Variants in IGSF11 observed in about 807,000 individuals in gnomAD.
IGSF11 encodes the protein immunoglobulin superfamily member 11, also known as CXADR like 1.
In IGSF11, 22 loss-of-function variants were observed where a neutral mutation model predicts 41.0. The ratio of observed to expected loss-of-function variants is 0.54; its 90% CI spans 0.38 to 0.77. IGSF11 has a LOEUF of 0.77. Ranked by LOEUF, IGSF11 falls within the 30% of genes least tolerant of loss-of-function variation. The pLI is 0.00. For missense variants in IGSF11, 444 were observed against 530.8 expected, an observed-to-expected ratio of 0.84 and a Z score of 1.61; for synonymous variants, 219 against 201.3, an observed-to-expected ratio of 1.09 and a Z score of -0.74.
At chr3:119,123,462 G>A (rs1010473314) in intron 1 of IGSF11, among the ~76,000 whole-genome samples, 2 of 152,216 alleles carry the variant, frequency 1.3e-5, no homozygotes, top group Non-Finnish European at 2.9e-5. Context: ...GACTAGCTTT[G>A]CCGCTTGCCA....
chr3:119,110,604 T>G (rs902797115), intron 1 of IGSF11, among the ~76,000 whole-genome samples: 11 of 152,368 alleles, frequency 7.2e-5, no homozygotes, highest in East Asian at 1.9e-4. Flanking sequence ...AAAGTTAATA[T>G]TGTTATGTGT....
chr3:118,970,182 T>G (rs1332888196), intron 1 of IGSF11, among the ~76,000 whole-genome samples: 1 of 152,224 alleles, frequency 6.6e-6, no homozygotes, highest in Non-Finnish European at 1.5e-5. Context: ...GCTCCCTTCA[T>G]GCCTAGAATT....
At chr3:119,024,389 A>G (rs987082584) in intron 1 of IGSF11, among the ~76,000 whole-genome samples, 4 of 152,212 alleles carry the variant, frequency 2.6e-5, no homozygotes, top group Non-Finnish European at 5.9e-5. Flanking sequence ...GAAAAATTTA[A>G]TGACCTGAAA....
chr3:119,028,142 A>G (rs1940002622), intron 1 of IGSF11, among the ~76,000 whole-genome samples: 1 of 152,200 alleles, frequency 6.6e-6, no homozygotes, highest in Admixed American at 6.5e-5. Flanking sequence ...TGGAGGATTT[A>G]TGATTAGTAA....
At chr3:118,919,166 A>T (rs991709474) in intron 4 of IGSF11, among the ~76,000 whole-genome samples, 3 of 136,336 alleles carry the variant, frequency 2.2e-5, no homozygotes, top group Non-Finnish European at 3.1e-5. Context: ...CTAGAAGAAA[A>T]CCTAGGCATT....
intron 1 of IGSF11, among the ~76,000 whole-genome samples, chr3:119,097,696 G>T (rs995843476): frequency 1.3e-5 from 2 of 152,108 alleles, no homozygotes; most frequent in Non-Finnish European, 2.9e-5. Context: ...GGTGGAAAAG[G>T]AGAGTACCTT....
chr3:118,944,494 ACACAC>A (rs1407883939), intron 1 of IGSF11, among the ~76,000 whole-genome samples: 36 of 150,820 alleles, frequency 2.4e-4, no homozygotes, highest in African/African-American at 8.6e-4. Flanking sequence ...ACACACACAC[ACACAC>A]ACACACACGA....
intron 1 of IGSF11, among the ~76,000 whole-genome samples, chr3:119,081,197 T>C (rs2076580987): frequency 6.6e-6 from 1 of 152,134 alleles, no homozygotes; most frequent in South Asian, 2.1e-4. Context: ...CATAGTCCCA[T>C]TTTTCGTCTG....
chr3:118,927,864 C>T (rs970130516), intron 3 of IGSF11, among the ~76,000 whole-genome samples: 6 of 152,114 alleles, frequency 3.9e-5, no homozygotes, highest in South Asian at 2.1e-4. Flanking sequence ...GACAGTCTAA[C>T]AACATGGTGT....
At position 118,901,524 on chromosome 3, in the gene IGSF11, G is replaced by A. The variant is rs982778466; in HGVS notation, c.*996C>T. 6.6e-6 allele frequency: 1 copy of A among 152,138 alleles called. No individual in the cohort carries two copies. Among genetic ancestry groups the A allele is most frequent in the African/African-American group, 2.4e-5 (1 of 41,422 alleles). The allele number at this position is 152,138 out of a possible 1,614,324, so 9.4% of individuals were successfully genotyped here. On this transcript the variant is annotated 3_prime_UTR_variant, in exon 7 of 7. Transcript: ENST00000393775. The stretch of plus-strand genomic sequence containing the variant: ...TACCTCAGTACAAAAGGCATCAGGT[G>A]CTGCCCTCATTAATAGTAACCTACT...
intron 2 of IGSF11, among the ~76,000 whole-genome samples, 156 bp from the exon 3 acceptor site, chr3:118,928,872 T>G (rs1263604533): frequency 6.6e-6 from 1 of 152,192 alleles, no homozygotes; most frequent in African/African-American, 2.4e-5. Flanking sequence ...TTACAGTATT[T>G]GTTCATAGGT....
At chr3:119,119,765 G>C (rs532768692) in intron 1 of IGSF11, among the ~76,000 whole-genome samples, 4 of 152,286 alleles carry the variant, frequency 2.6e-5, no homozygotes, top group African/African-American at 7.2e-5. Context: ...CTTAGCAGGT[G>C]GGGGAGGGGG....
intron 1 of IGSF11, among the ~76,000 whole-genome samples, chr3:119,059,239 G>A (rs780534855): frequency 6.6e-6 from 1 of 151,122 alleles, no homozygotes; most frequent in African/African-American, 2.4e-5. Context: ...GTCATAAAAA[G>A]GAATGAAATA....
intron 1 of IGSF11, among the ~76,000 whole-genome samples, chr3:119,020,025 C>T (rs1025301675): frequency 6.6e-6 from 1 of 152,124 alleles, no homozygotes; most frequent in East Asian, 1.9e-4. Context: ...TGTGAGGACA[C>T]CACAAGAAGA....
At chr3:119,089,914 A>T (rs2107492908) in intron 1 of IGSF11, among the ~76,000 whole-genome samples, 1 of 152,280 alleles carries the variant, frequency 6.6e-6, no homozygotes, top group South Asian at 2.1e-4. Flanking sequence ...AGTCCCAGCT[A>T]CTCAGGAGGC....
chr3:118,979,103 T>C (rs1314124114), intron 1 of IGSF11, among the ~76,000 whole-genome samples: 1 of 151,986 alleles, frequency 6.6e-6, no homozygotes, highest in Non-Finnish European at 1.5e-5. Context: ...AAAAAAGATA[T>C]AAATAGAAAC....
intron 1 of IGSF11, among the ~76,000 whole-genome samples, chr3:118,976,128 C>T (rs1280511857): frequency 6.6e-6 from 1 of 152,052 alleles, no homozygotes. Flanking sequence ...GCCCTAAAGG[C>T]AGTTTAAGCT....
chr3:118,934,127 C>A (rs1943069417), intron 1 of IGSF11, among the ~76,000 whole-genome samples: 1 of 152,168 alleles, frequency 6.6e-6, no homozygotes. Flanking sequence ...TCACGTTAAT[C>A]TTTTTGAAAG....
chr3:118,907,295 TAATA>T (rs771916779), intron 4 of IGSF11, among the ~76,000 whole-genome samples: 4 of 152,364 alleles, frequency 2.6e-5, no homozygotes, highest in South Asian at 2.1e-4. Flanking sequence ...TTCATTCATT[TAATA>T]AATAAATATT....
Sources: gnomAD v4.1 joint callset for allele counts (sites outside exome capture counted in the v4.1 genomes callset) on GRCh38, gnomAD v4.1.1 for gene constraint, MANE v1.5 for transcripts, NCBI Gene and HGNC (gene_info 2026-07-23, HGNC 2026-07-21) for gene names.